Variants in BNC2 observed in about 807,000 individuals in gnomAD.
BNC2 encodes zinc finger protein basonuclin-2.
A neutral mutation model predicts 76.3 loss-of-function variants in BNC2; 20 were observed. The ratio of observed to expected loss-of-function variants is 0.26; its 90% confidence interval spans 0.18 to 0.38. The LOEUF is 0.38. Ranked by LOEUF, BNC2 falls within the 10% of genes least tolerant of loss-of-function variation. BNC2 has a pLI of 1.00. For synonymous variants in BNC2, 582 were observed against 514.8 expected (o/e 1.13, Z -1.77); for missense variants, 1,382 against 1,399.8 (o/e 0.99, Z 0.20).
At chr9:16,555,900 G>C (rs1000599447) in intron 4 of BNC2, among the ~76,000 whole-genome samples, 15 of 152,206 alleles carry the variant, frequency 9.9e-5, no homozygotes, top group African/African-American at 3.1e-4. Context: ...TTTTAGGTTT[G>C]TGGGTTATGC....
At chr9:16,506,705 T>C (rs1474609269) in intron 5 of BNC2, among the ~76,000 whole-genome samples, 4 of 151,314 alleles carry the variant, frequency 2.6e-5, no homozygotes, top group Non-Finnish European at 5.9e-5. Context: ...TTTGTATTTT[T>C]AGTTGAGACG....
chr9:16,808,615 A>T (rs1817971287), intron 1 of BNC2, among the ~76,000 whole-genome samples: 1 of 149,118 alleles, frequency 6.7e-6, no homozygotes, highest in African/African-American at 2.5e-5. Flanking sequence ...CGGCCTCCTG[A>T]GTAACTGGGA....
chr9:16,666,540 G>A (rs1427662456), intron 3 of BNC2, among the ~76,000 whole-genome samples: 1 of 152,164 alleles, frequency 6.6e-6, no homozygotes, highest in Non-Finnish European at 1.5e-5. Flanking sequence ...CAATGCAACT[G>A]ACAACACAGT....
At chr9:16,812,420 A>G (rs1818075872) in intron 1 of BNC2, among the ~76,000 whole-genome samples, 1 of 152,214 alleles carries the variant, frequency 6.6e-6, no homozygotes, top group African/African-American at 2.4e-5. Flanking sequence ...AAAGAAAGCA[A>G]GGCCAGACGC....
chr9:16,713,966 C>T (rs1021568983), intron 3 of BNC2, among the ~76,000 whole-genome samples: 4 of 152,100 alleles, frequency 2.6e-5, no homozygotes, highest in Non-Finnish European at 5.9e-5. Flanking sequence ...TCCAGGTACT[C>T]CAGAGACTGA....
intron 5 of BNC2, among the ~76,000 whole-genome samples, chr9:16,530,524 T>C (rs1817944383): frequency 6.6e-6 from 1 of 152,170 alleles, no homozygotes; most frequent in East Asian, 1.9e-4. Context: ...AGGGCGATGA[T>C]CAAGATCCAC....
intron 5 of BNC2, among the ~76,000 whole-genome samples, chr9:16,470,914 T>C (rs1409733293): frequency 6.6e-6 from 1 of 152,142 alleles, no homozygotes; most frequent in Non-Finnish European, 1.5e-5. Context: ...CGTGGAGCTG[T>C]GAGAAGAGGG....
chr9:16,796,755 G>C (rs150444879), intron 1 of BNC2, among the ~76,000 whole-genome samples: 7 of 152,256 alleles, frequency 4.6e-5, no homozygotes, highest in African/African-American at 1.4e-4. Context: ...AATCGTATTT[G>C]ACAAATCTTT....
chr9:16,746,301 T>G (rs1563924430), intron 1 of BNC2, among the ~76,000 whole-genome samples: 1 of 152,156 alleles, frequency 6.6e-6, no homozygotes, highest in Non-Finnish European at 1.5e-5. Context: ...TGAACCTGAC[T>G]GCAATCAGTG....
chr9:16,439,778 T>C (rs1435878158), intron 5 of BNC2, among the ~76,000 whole-genome samples: 1 of 152,116 alleles, frequency 6.6e-6, no homozygotes, highest in Non-Finnish European at 1.5e-5. Flanking sequence ...ACTCCTAGCA[T>C]CCTACCATTT....
chr9:16,692,091 G>A lies in BNC2; in HGVS notation c.330+35706C>T, dbSNP rs200210510. Among the ~76,000 whole-genome samples the A allele has an allele frequency of 2.6e-5, 4 of 151,916 alleles. No individual in the cohort carries two copies. The East Asian group carries it at 7.7e-4, about 29-fold the overall frequency. On this transcript the variant is annotated intron_variant, in intron 3 of 6. Transcript: ENST00000380672. ...CTCCCAAAGTGCTGGGATTACAGGC[G>A]TGAGCCACTGCACCCGGCGGGTTCT...
intron 5 of BNC2, among the ~76,000 whole-genome samples, chr9:16,502,109 T>G (rs890010069): frequency 6.6e-6 from 1 of 152,158 alleles, no homozygotes; most frequent in Non-Finnish European, 1.5e-5. Context: ...ATGCCTGTAA[T>G]CCTAGATCTT....
chr9:16,633,203 C>T (rs1363919381), intron 3 of BNC2, among the ~76,000 whole-genome samples: 1 of 152,108 alleles, frequency 6.6e-6, no homozygotes, highest in Non-Finnish European at 1.5e-5. Flanking sequence ...ATTGTTTAGA[C>T]GTCTAAGAAG....
intron 3 of BNC2, among the ~76,000 whole-genome samples, chr9:16,680,592 G>C (rs1425755937): frequency 6.6e-6 from 1 of 150,660 alleles, no homozygotes; most frequent in Non-Finnish European, 1.5e-5. Flanking sequence ...AAAAAACGTT[G>C]ATCTTATTCA....
intron 6 of BNC2, among the ~76,000 whole-genome samples, chr9:16,425,137 G>C (rs1027144025): frequency 2.0e-5 from 3 of 152,152 alleles, no homozygotes; most frequent in African/African-American, 7.2e-5. Flanking sequence ...CAAATTAAAA[G>C]TATGAAACTC....
Position 16,414,090 on chromosome 9 carries a change from T to C in BNC2, c.*4899A>G, listed in dbSNP as rs79616593. ...AGCAAAAGCAACCAAAACCCCACAATTGTCGGCTCTTCCTGACCCCAAAGG... is the reference window on the plus strand; with the variant it reads ...AGCAAAAGCAACCAAAACCCCACAACTGTCGGCTCTTCCTGACCCCAAAGG... On this transcript the variant is annotated 3_prime_UTR_variant, in exon 7 of 7. Coordinates refer to ENST00000380672, the MANE Select transcript of BNC2 (RefSeq NM_017637.6). 7.1e-3 allele frequency: 1,083 copies of C among 152,346 alleles called. 6 individuals are homozygous for C. Among genetic ancestry groups the C allele is most frequent in the Non-Finnish European group, 0.012 (814 of 68,082 alleles). The allele number at this position is 152,346 out of a possible 1,614,324, so 9.4% of individuals were successfully genotyped here. A position where few individuals can be genotyped will look rare whatever the true frequency, so the allele number is the denominator to read the frequency against.
Position 16,679,584 on chromosome 9 carries a change from G to C in BNC2, c.330+48213C>G, listed in dbSNP as rs1026161031. ...TGACACCCCCTCAGCTTCCTGTGCAGCGCTGCCAGATGTTCAGAGACCACA... is the reference window on the plus strand; with the variant it reads ...TGACACCCCCTCAGCTTCCTGTGCACCGCTGCCAGATGTTCAGAGACCACA... On this transcript the variant is annotated intron_variant, in intron 3 of 6. Transcript: ENST00000380672. Among the ~76,000 whole-genome samples, 4 of 152,168 alleles carry C rather than the reference G, an allele frequency of 2.6e-5. No homozygotes were observed. The South Asian group carries it at 8.3e-4, about 32-fold the overall frequency.
intron 1 of BNC2, among the ~76,000 whole-genome samples, chr9:16,782,936 G>T (rs1032292297): frequency 1.3e-5 from 2 of 152,164 alleles, no homozygotes; most frequent in Admixed American, 6.5e-5. Context: ...ATTCTTAGAA[G>T]CATTTACTCT....
intron 5 of BNC2, among the ~76,000 whole-genome samples, chr9:16,488,230 T>A (rs1423036626): frequency 3.9e-5 from 6 of 152,146 alleles, no homozygotes; most frequent in Admixed American, 2.6e-4. Context: ...AGGATTTTTC[T>A]CCCCAACGTA....
Sources: allele counts gnomAD v4.1 joint callset (sites outside exome capture counted in the v4.1 genomes callset), GRCh38; gene constraint gnomAD v4.1.1; transcripts MANE v1.5; gene names NCBI Gene and HGNC (gene_info 2026-07-23, HGNC 2026-07-21).